The following RBFOX1 variants were observed in gnomAD, a reference collection of about 807,000 sequenced individuals.
RBFOX1 encodes RNA binding protein fox-1 homolog 1.
Under a neutral mutation model 57.7 loss-of-function variants are expected in RBFOX1, and 8 were observed. The observed-to-expected ratio is 0.14, with a 90% confidence interval of 0.08 to 0.25. The LOEUF is 0.25. Among genes scored for constraint, RBFOX1 ranks in the 10% least tolerant of loss-of-function variants. The pLI is 1.00. For missense variants in RBFOX1, 611 were observed against 548.5 expected (o/e 1.11, Z -1.14); for synonymous variants, 326 against 222.4 (o/e 1.47, Z -4.15).
chr16:7,398,807 C>T (rs2098186373), intron 4 of RBFOX1, among the ~76,000 whole-genome samples: 1 of 152,214 alleles, frequency 6.6e-6, no homozygotes, highest in African/African-American at 2.4e-5. Context: ...GTTAGACTCC[C>T]TGGAGGGAAT....
intron 3 of RBFOX1, among the ~76,000 whole-genome samples, chr16:5,716,632 T>A (rs1348121059): frequency 6.6e-6 from 1 of 152,214 alleles, no homozygotes; most frequent in Non-Finnish European, 1.5e-5. Flanking sequence ...AGTTCAGCCA[T>A]CGTGCAAGAC....
At chr16:5,859,855 C>T (rs1400782603) in intron 3 of RBFOX1, among the ~76,000 whole-genome samples, 2 of 152,144 alleles carry the variant, frequency 1.3e-5, no homozygotes, top group African/African-American at 4.8e-5. Flanking sequence ...TACTGTGGGT[C>T]AGGAATCTAG....
chr16:7,197,241 A>G (rs2086935317), intron 4 of RBFOX1, among the ~76,000 whole-genome samples: 3 of 152,202 alleles, frequency 2.0e-5, no homozygotes, highest in South Asian at 2.1e-4. Flanking sequence ...AGGGATGAAG[A>G]AAATGAATAA....
intron 1 of RBFOX1, among the ~76,000 whole-genome samples, chr16:5,250,856 G>T (rs1310933841): frequency 6.6e-6 from 1 of 152,162 alleles, no homozygotes; most frequent in Non-Finnish European, 1.5e-5. Context: ...ATCACTTGGT[G>T]CTCTGTGCCT....
At chr16:7,510,210 C>T (rs2074645497) in intron 4 of RBFOX1, 2 of 985,776 alleles carry the variant, frequency 2.0e-6, no homozygotes, top group African/African-American at 1.7e-5. Context: ...GCGCGCACAC[C>T]CTCGCTCGTA....
At chr16:5,259,560 G>GT (rs2062679513) in intron 1 of RBFOX1, among the ~76,000 whole-genome samples, 1 of 152,218 alleles carries the variant, frequency 6.6e-6, no homozygotes, top group African/African-American at 2.4e-5. Context: ...TGAGCTTTCA[G>GT]TGGGTGCTCA....
intron 2 of RBFOX1, among the ~76,000 whole-genome samples, chr16:5,549,094 C>CAGCTTCCAAAGATGACCCT (rs2151078539): frequency 6.6e-6 from 1 of 152,302 alleles, no homozygotes; most frequent in South Asian, 2.1e-4. Flanking sequence ...TGGAGGACCC[C>CAGCTTCCAAAGATGACCCT]AGCTTCCAAA....
intron 3 of RBFOX1, among the ~76,000 whole-genome samples, chr16:5,664,012 G>C (rs951421810): frequency 6.6e-6 from 1 of 152,064 alleles, no homozygotes; most frequent in African/African-American, 2.4e-5. Context: ...AGCTGCTCCT[G>C]GGGACCCCAC....
chr16:6,724,357 A>G (rs1163545717), intron 3 of RBFOX1, among the ~76,000 whole-genome samples: 1 of 151,712 alleles, frequency 6.6e-6, no homozygotes, highest in African/African-American at 2.4e-5. Flanking sequence ...TTACAGGTGC[A>G]CTCCAGCATG....
rs2075595238 is a variant in RBFOX1 at position 6,755,225 on chromosome 16, T to A, written c.-16+100575T>A. 2.6e-5 allele frequency among the ~76,000 whole-genome samples: 4 copies of A among 152,358 alleles called. No individual in the cohort carries two copies. In the South Asian group the frequency reaches 8.3e-4, roughly 32 times the overall value. On this transcript the variant is annotated intron_variant, in intron 3 of 15. Coordinates refer to ENST00000550418, the MANE Select transcript of RBFOX1 (RefSeq NM_018723.4). ...AGTCCTTTGGGTGTATACCCAGTAA[T>A]GGGATGGCTGGGTCAAATGGTATTT...
intron 3 of RBFOX1, among the ~76,000 whole-genome samples, chr16:7,018,355 A>G (rs1331331659): frequency 6.6e-6 from 1 of 152,180 alleles, no homozygotes; most frequent in Non-Finnish European, 1.5e-5. Context: ...GGCCACCTCC[A>G]TTAAGAGTTA....
chr16:7,557,047 G>T (rs767680769), intron 5 of RBFOX1, among the ~76,000 whole-genome samples: 10 of 152,134 alleles, frequency 6.6e-5, no homozygotes, highest in Non-Finnish European at 1.0e-4. Context: ...TTTGGAGTCA[G>T]GCTTGATACA....
At chr16:5,411,279 C>G (rs899541253) in intron 1 of RBFOX1, among the ~76,000 whole-genome samples, 12 of 152,144 alleles carry the variant, frequency 7.9e-5, no homozygotes, top group African/African-American at 2.9e-4. Flanking sequence ...GGAGGTCATC[C>G]TGGATTACCT....
At chr16:5,817,027 G>A (rs2055666769) in intron 3 of RBFOX1, among the ~76,000 whole-genome samples, 1 of 152,152 alleles carries the variant, frequency 6.6e-6, no homozygotes, top group South Asian at 2.1e-4. Context: ...ATCCTGACTA[G>A]GAGATCCACC....
intron 3 of RBFOX1, among the ~76,000 whole-genome samples, chr16:6,656,411 T>C (rs1603036004): frequency 6.6e-6 from 1 of 152,080 alleles, no homozygotes; most frequent in South Asian, 2.1e-4. Flanking sequence ...GCAGGCAGGG[T>C]AAGCTCTGGG....
chr16:6,663,649 C>T (rs1345696002), intron 3 of RBFOX1, among the ~76,000 whole-genome samples: 1 of 152,208 alleles, frequency 6.6e-6, no homozygotes, highest in Non-Finnish European at 1.5e-5. Flanking sequence ...CACAGAGTCC[C>T]CTGGGGATTG....
At chr16:5,486,572 CT>C (rs1399992003) in intron 2 of RBFOX1, among the ~76,000 whole-genome samples, 1 of 152,162 alleles carries the variant, frequency 6.6e-6, no homozygotes, top group Non-Finnish European at 1.5e-5. Context: ...GACAGATGTT[CT>C]GGATTTGGGG....
At chr16:7,471,486 G>A (rs2061544943) in intron 4 of RBFOX1, among the ~76,000 whole-genome samples, 1 of 152,060 alleles carries the variant, frequency 6.6e-6, no homozygotes, top group Non-Finnish European at 1.5e-5. Context: ...GTGTGGGTGA[G>A]GCACCCTTGT....
chr16:6,045,165 C>G (rs964105935), intron 1 of RBFOX1, among the ~76,000 whole-genome samples: 2 of 152,174 alleles, frequency 1.3e-5, no homozygotes, highest in Admixed American at 1.3e-4. Flanking sequence ...AATGCAGATG[C>G]TGATTCAGTA....
Sources: allele counts gnomAD v4.1 joint callset (sites outside exome capture counted in the v4.1 genomes callset), GRCh38; gene constraint gnomAD v4.1.1; transcripts MANE v1.5; gene names NCBI Gene and HGNC (gene_info 2026-07-23, HGNC 2026-07-21).